AGFG2: variants seen among roughly 807,000 people sequenced by gnomAD.
AGFG2 encodes the protein arf-GAP domain and FG repeat-containing protein 2.
A neutral mutation model predicts 48.0 loss-of-function variants in AGFG2; 31 were observed. The observed-to-expected ratio is 0.65, with a 90% CI of 0.49 to 0.87. The LOEUF (loss-of-function observed/expected upper bound fraction) is 0.87. Ranked by LOEUF, AGFG2 falls within the 40% of genes least tolerant of loss-of-function variation. AGFG2 has a pLI of 0.00. For missense variants in AGFG2, 599 were observed against 632.6 expected (o/e 0.95, Z 0.57); for synonymous variants, 229 against 260.8 (o/e 0.88, Z 1.18).
rs772719350 is a variant in AGFG2, at chr7:100,548,889, G to A, written c.289G>A (p.Val97Ile). 1 of 1,613,760 alleles carries A rather than the reference G, an allele frequency of 6.2e-7. No individual in the cohort carries two copies. The highest frequency in any genetic ancestry group is 1.1e-5 in the South Asian group (1 of 91,068). ...SMTTFTEPEV[V>I]FLQSRGNEVC... is the part of the protein sequence containing the mutation. ...GACAACTTTCACTGAGCCTGAAGTA[G>A]TATTCCTGCAATCCCGTGGAAATGA... The change falls in exon 2 of 12, where the codon GTA becomes ATA. Residue 97 changes from valine (V) to isoleucine (I), a missense_variant. By Grantham distance (29) the Val-to-Ile change is conservative. Coordinates refer to ENST00000300176, the MANE Select transcript of AGFG2 (RefSeq NM_006076.5).
Position 100,554,368 on chromosome 7 carries a change from T to C in AGFG2, c.751+110T>C. The stretch of plus-strand genomic sequence containing the variant: ...CTAGATCTTCTCATGCAAACAAATG[T>C]GAGGGTCACTCTGAAGCAGTGAGGC... On this transcript the variant is annotated intron_variant, in intron 5 of 11. Coordinates refer to ENST00000300176, the MANE Select transcript of AGFG2 (RefSeq NM_006076.5). 3.0e-6 allele frequency: 4 copies of C among 1,339,274 alleles called. No homozygotes were observed. The South Asian group carries it at 6.2e-5, about 21-fold the overall frequency. 83.0% of individuals were successfully genotyped at this position (1,339,274 alleles called of 1,614,324 possible).
At chr7:100,564,011 T>C (rs1800941591) in intron 10 of AGFG2, 49 bp downstream of exon 10, 4 of 1,592,570 alleles carry the variant, frequency 2.5e-6, no homozygotes, top group Non-Finnish European at 2.6e-6. Flanking sequence ...CATCTCTGCA[T>C]AGAGATCAGT....
chr7:100,559,941 G>A (rs770480399), intron 6 of AGFG2, among the ~76,000 whole-genome samples: 1 of 152,174 alleles, frequency 6.6e-6, no homozygotes, highest in Non-Finnish European at 1.5e-5. Context: ...CTGGGCTAGG[G>A]ATGGTTCTGC....
chr7:100,546,193 A>G (rs1369240484), intron 1 of AGFG2, among the ~76,000 whole-genome samples: 2 of 146,750 alleles, frequency 1.4e-5, no homozygotes, highest in African/African-American at 5.1e-5. Flanking sequence ...CCAAAAATAA[A>G]CTCTTTTAGT....
At chr7:100,541,141 A>C (rs1293112386) in intron 1 of AGFG2, among the ~76,000 whole-genome samples, 1 of 152,156 alleles carries the variant, frequency 6.6e-6, no homozygotes, top group Non-Finnish European at 1.5e-5. Context: ...ATCCAGTGCC[A>C]TATGGGCATT....
intron 1 of AGFG2, among the ~76,000 whole-genome samples, chr7:100,543,476 AG>A (rs1220431602): frequency 2.6e-5 from 4 of 152,214 alleles, no homozygotes; most frequent in African/African-American, 9.6e-5. Context: ...ATTATTTTAA[AG>A]GCCAGTTTTC....
intron 1 of AGFG2, among the ~76,000 whole-genome samples, 173 bp downstream of exon 1, chr7:100,539,740 A>G (rs1584377179): frequency 6.7e-6 from 1 of 148,376 alleles, no homozygotes; most frequent in African/African-American, 2.5e-5. Flanking sequence ...TGTGGTGGGG[A>G]GGGGAAAGGG....
Position 100,566,870 on chromosome 7 carries a change from C to T in AGFG2, c.*1879C>T, listed in dbSNP as rs558017407. ...CAGTTCTTTCCTTTCTGCTTAGAGC[C>T]GGAGGGAGGGAAGCTGGAATCTGTT... On this transcript the variant is annotated 3_prime_UTR_variant, in exon 12 of 12. Transcript: ENST00000300176. 1 of 152,184 alleles carries T rather than the reference C, an allele frequency of 6.6e-6. No homozygotes were observed. The highest frequency in any genetic ancestry group is 1.5e-5 in the Non-Finnish European group (1 of 68,046). The allele number at this position is 152,184 out of a possible 1,614,324, so 9.4% of individuals were successfully genotyped here. A position where few individuals can be genotyped will look rare whatever the true frequency, so the allele number is the denominator to read the frequency against.
chr7:100,557,215 GTTAAAA>G (rs1800777850), intron 6 of AGFG2, among the ~76,000 whole-genome samples: 2 of 149,354 alleles, frequency 1.3e-5, no homozygotes, highest in South Asian at 4.2e-4. Context: ...AAAAAAAAAA[GTTAAAA>G]TTCACAAAGA....
intron 11 of AGFG2, 88 bp downstream of exon 11, chr7:100,564,391 C>T: frequency 1.5e-6 from 2 of 1,354,630 alleles, no homozygotes; most frequent in Non-Finnish European, 2.1e-6. Context: ...GTGAGGTGGC[C>T]CCTGTGCCCC....
At chr7:100,561,585 A>G (rs752287046) in intron 6 of AGFG2, among the ~76,000 whole-genome samples, 10 of 152,202 alleles carry the variant, frequency 6.6e-5, no homozygotes, top group African/African-American at 1.2e-4. Flanking sequence ...GATTGCTTGG[A>G]ATTTCCAGGA....
Position 100,539,459 on chromosome 7 carries a change from G to A in AGFG2, c.113G>A (p.Gly38Asp). 1 of 1,321,538 alleles carries A rather than the reference G, an allele frequency of 7.6e-7. No individual in the cohort carries two copies. The highest frequency in any genetic ancestry group is 9.7e-7 in the Non-Finnish European group (1 of 1,031,570). The allele number at this position is 1,321,538 out of a possible 1,614,324, so 81.9% of individuals were successfully genotyped here. ...VWCRRVRELG[G>D]CSQAGNRHCF... The stretch of plus-strand genomic sequence containing the variant: ...TGCCGTCGGGTGCGGGAGCTGGGTG[G>A]CTGCAGCCAGGCCGGGAACCGCCAC... Residue 38 changes from glycine to aspartate, a missense_variant, in exon 1 of 12, where the codon GGC (glycine) becomes GAC (aspartate). Coordinates refer to ENST00000300176, the MANE Select transcript of AGFG2 (RefSeq NM_006076.5).
rs1165737548 is a variant in AGFG2, at chr7:100,562,573, T to G, written c.999-21T>G. On this transcript the variant is annotated intron_variant, in intron 7 of 11. Coordinates refer to ENST00000300176, the MANE Select transcript of AGFG2 (RefSeq NM_006076.5). This position sits in a 1 kb window ranked among gnomAD's most constrained non-coding sequence, Gnocchi z 5.4. Reference sequence around the variant, plus strand: ...ATTGGCCCTGGCAGCTGTGTATGACTTCTCTCTCCCCGTGTTGTAGCCTCT... The same window carrying G: ...ATTGGCCCTGGCAGCTGTGTATGACGTCTCTCTCCCCGTGTTGTAGCCTCT... 6 of 1,613,378 alleles carry G rather than the reference T, an allele frequency of 3.7e-6. No homozygotes were observed. Among genetic ancestry groups the G allele is most frequent in the Admixed American group, 1.7e-5 (1 of 59,982 alleles).
intron 1 of AGFG2, among the ~76,000 whole-genome samples, chr7:100,540,042 C>T (rs1363321291): frequency 6.6e-6 from 1 of 151,124 alleles, no homozygotes; most frequent in Non-Finnish European, 1.5e-5. Flanking sequence ...TTCCTTCGGG[C>T]TTGTGTCCCT....
At chr7:100,540,078 G>C (rs1390518260) in intron 1 of AGFG2, among the ~76,000 whole-genome samples, 1 of 150,882 alleles carries the variant, frequency 6.6e-6, no homozygotes, top group African/African-American at 2.4e-5. Flanking sequence ...GCAGAAGCCA[G>C]CTGAAACTTG....
intron 1 of AGFG2, among the ~76,000 whole-genome samples, chr7:100,547,731 G>C (rs996174129): frequency 6.6e-6 from 1 of 152,168 alleles, no homozygotes; most frequent in Non-Finnish European, 1.5e-5. Context: ...ACATACAGAG[G>C]AGGCACAAAA....
Position 100,567,982 on chromosome 7 carries a change from C to T in AGFG2, c.*2991C>T, listed in dbSNP as rs1261770299. On this transcript the variant is annotated 3_prime_UTR_variant, in exon 12 of 12. Coordinates refer to ENST00000300176, the MANE Select transcript of AGFG2 (RefSeq NM_006076.5). ...GGTCCAATCACCTGGCATTGATCAC[C>T]TGGCATTGATCAGCACCCACCCCAC... 1 of 152,654 alleles carries T rather than the reference C, an allele frequency of 6.6e-6. No homozygotes were observed. The highest frequency in any genetic ancestry group is 1.5e-5 in the Non-Finnish European group (1 of 68,090). 9.5% of individuals were successfully genotyped at this position (152,654 alleles called of 1,614,324 possible).
intron 5 of AGFG2, among the ~76,000 whole-genome samples, chr7:100,554,629 T>C (rs938204248): frequency 6.6e-6 from 1 of 152,128 alleles, no homozygotes; most frequent in African/African-American, 2.4e-5. Context: ...GCATAGAATC[T>C]GTTTTCCCTT....
chr7:100,562,681 A>G lies in AGFG2; in HGVS notation c.1086A>G (p.Gly362=), dbSNP rs550224753. The change falls in exon 8 of 12, where the codon GGA becomes GGG. Residue 362 remains glycine, a splice_region_variant and synonymous_variant. Coordinates refer to ENST00000300176, the MANE Select transcript of AGFG2 (RefSeq NM_006076.5). The surrounding 1 kb of genome is among the most constrained non-coding windows in gnomAD (Gnocchi z 5.4). The part of the protein sequence containing the change: ...GGGSSTGLAF[G]AFTNPFTAPA... ...GCAGCAGCACAGGGCTGGCCTTTGGAGGTGAGTCCTGCCTGTGGAGACCCA... is the reference window on the plus strand; with the variant it reads ...GCAGCAGCACAGGGCTGGCCTTTGGGGGTGAGTCCTGCCTGTGGAGACCCA... 24 of 1,606,284 alleles carry G rather than the reference A, an allele frequency of 1.5e-5. No homozygotes were observed. The African/African-American group carries it at 2.5e-4, about 17-fold the overall frequency.
Sources: allele counts gnomAD v4.1 joint callset (sites outside exome capture counted in the v4.1 genomes callset), GRCh38; gene constraint gnomAD v4.1.1; non-coding constraint Gnocchi (gnomAD v3.1); transcripts MANE v1.5; gene names NCBI Gene and HGNC (gene_info 2026-07-23, HGNC 2026-07-21).